SON: variants seen among roughly 807,000 people sequenced by gnomAD.
The protein encoded by SON is protein SON.
In SON, 4 loss-of-function variants were observed where a neutral mutation model predicts 173.3. That is an observed-to-expected ratio of 0.02 (90% confidence interval 0.01 to 0.05). SON has a LOEUF of 0.05. Among genes scored for constraint, SON ranks in the 10% least tolerant of loss-of-function variants. The pLI is 1.00. For synonymous variants in SON, 1,190 were observed against 1,105.9 expected (o/e 1.08, Z -1.51); for missense variants, 2,626 against 3,055.3 (o/e 0.86, Z 3.31).
In SON at chr21:33,550,406, C is replaced by T. The variant is rs747956049; in HGVS notation, c.1175C>T (p.Pro392Leu). Residue 392 changes from proline (P) to leucine (L), a missense_variant, in exon 3 of 12, where the codon CCG (proline) becomes CTG (leucine). By Grantham distance (98) the Pro-to-Leu change is moderately conservative. Transcript: ENST00000356577. ...ELPGPPATSM[P>L]ELQGPPVTPV... The stretch of plus-strand genomic sequence containing the variant: ...CCGGGGCCACCTGCGACCTCCATGC[C>T]GGAGTTGCAGGGGCCCCCTGTGACT... 1.6e-5 allele frequency: 26 copies of T among 1,613,736 alleles called. No individual in the cohort carries two copies. The highest frequency in any genetic ancestry group is 1.4e-4 in the South Asian group (13 of 91,068).
chr21:33,546,131 A>G, intron 1 of SON, 82 bp from the exon 2 acceptor site: 1 of 1,203,794 alleles, frequency 8.3e-7, no homozygotes, highest in East Asian at 2.6e-5. Context: ...TCAGTACAAC[A>G]TATGATTATT....
Position 33,554,331 on chromosome 21 carries a change from A to G in SON, c.5100A>G (p.Glu1700=), listed in dbSNP as rs149600633. The part of the protein sequence containing the change: ...QTLAALLSPK[E]SSGGEKEVPP... ...TAGCAGCTCTGCTCAGCCCTAAAGA[A>G]AGTAGTGGAGGAGAAAAAGAAGTAC... Residue 1700 remains glutamate, a synonymous_variant, in exon 3 of 12, where the codon GAA becomes GAG. Coordinates refer to ENST00000356577, the MANE Select transcript of SON (RefSeq NM_138927.4). The G allele has an allele frequency of 6.2e-7, 1 of 1,614,170 alleles. No homozygotes were observed. The highest frequency in any genetic ancestry group is 1.1e-5 in the South Asian group (1 of 91,090).
intron 4 of SON, 74 bp downstream of exon 4, chr21:33,557,390 C>T (rs1379615232): frequency 5.7e-6 from 9 of 1,573,450 alleles, no homozygotes; most frequent in Non-Finnish European, 8.7e-7. Flanking sequence ...CGTGCCAAAA[C>T]CCGAATTGTG....
chr21:33,547,890 ATTTT>A (rs55756921), intron 2 of SON, among the ~76,000 whole-genome samples: 221 of 147,300 alleles, frequency 1.5e-3, no homozygotes, highest in Middle Eastern at 3.5e-3. Flanking sequence ...AATTTTTTGT[ATTTT>A]TTTTTTTTTT....
At chr21:33,568,054 T>C (rs2086208721) in intron 7 of SON, among the ~76,000 whole-genome samples, 1 of 152,224 alleles carries the variant, frequency 6.6e-6, no homozygotes, top group South Asian at 2.1e-4. Flanking sequence ...TACTGTTTTA[T>C]GGTAAATCAG....
At chr21:33,572,687 A>G in intron 8 of SON, 1 of 872,422 alleles carries the variant, frequency 1.1e-6, no homozygotes, top group South Asian at 1.4e-5. Context: ...CTAGGTTTTA[A>G]AAGAATTCAA....
chr21:33,549,249 A>G (rs1305993197), intron 2 of SON, among the ~76,000 whole-genome samples: 1 of 151,898 alleles, frequency 6.6e-6, no homozygotes, highest in African/African-American at 2.4e-5. Flanking sequence ...TAATTTTTGT[A>G]TTTTTAGTAG....
chr21:33,570,886 G>A, intron 8 of SON, among the ~76,000 whole-genome samples: 1 of 152,090 alleles, frequency 6.6e-6, no homozygotes, highest in Non-Finnish European at 1.5e-5. Flanking sequence ...CATAATGTTT[G>A]TATACTTATA....
rs1183005035 is a variant in SON at position 33,553,100 on chromosome 21, C to A, written c.3869C>A (p.Ala1290Asp). Residue 1290 changes from alanine to aspartate, a missense_variant, in exon 3 of 12, where the codon GCC becomes GAC. By Grantham distance (126) the Ala-to-Asp change is moderately radical. Transcript: ENST00000356577. ...PVTCMVSETP[A>D]MSAEPTVLAS... ...ACTTGTATGGTATCTGAAACTCCCG[C>A]CATGTCAGCTGAACCAACTGTGTTA... is the stretch of plus-strand genomic sequence containing the variant. 6.2e-7 allele frequency: 1 copy of A among 1,614,202 alleles called. No homozygotes were observed. The highest frequency in any genetic ancestry group is 1.1e-5 in the South Asian group (1 of 91,092).
In SON at chr21:33,550,389, A is replaced by C; in HGVS notation, c.1158A>C (p.Pro386=). 1.2e-6 allele frequency: 2 copies of C among 1,613,020 alleles called. No individual in the cohort carries two copies. The highest frequency in any genetic ancestry group is 1.7e-6 in the Non-Finnish European group (2 of 1,179,646). The part of the protein sequence containing the change: ...SVASAMELPG[P]PATSMPELQG... Reference sequence around the variant, plus strand: ...CCTCAGCGATGGAGTTGCCGGGGCCACCTGCGACCTCCATGCCGGAGTTGC... The same window carrying C: ...CCTCAGCGATGGAGTTGCCGGGGCCCCCTGCGACCTCCATGCCGGAGTTGC... The change falls in exon 3 of 12, where the codon CCA becomes CCC. Residue 386 remains proline (P), a synonymous_variant. Coordinates refer to ENST00000356577, the MANE Select transcript of SON (RefSeq NM_138927.4).
In SON at chr21:33,552,324, C is replaced by T. The variant is rs1477616533; in HGVS notation, c.3093C>T (p.Arg1031=). The T allele has an allele frequency of 4.3e-6, 7 of 1,613,158 alleles. No homozygotes were observed. The highest frequency in any genetic ancestry group is 4.0e-5 in the African/African-American group (3 of 74,774). ...ERSMMSPMAE[R]SMMSAYERSM... is the part of the protein sequence containing the mutation. ...CTATGATGTCCCCTATGGCTGAACG[C>T]TCTATGATGTCAGCCTACGAGCGCT... Residue 1031 remains arginine (R), a synonymous_variant, in exon 3 of 12, where the codon CGC becomes CGT. Coordinates refer to ENST00000356577, the MANE Select transcript of SON (RefSeq NM_138927.4). This position sits in a 1 kb window ranked among gnomAD's most constrained non-coding sequence, Gnocchi z 5.6.
rs144188863 is a variant in SON, at chr21:33,552,557, C to T, written c.3326C>T (p.Ala1109Val). The change falls in exon 3 of 12, where the codon GCA (alanine) becomes GTA (valine). Residue 1109 changes from alanine (A) to valine (V), a missense_variant. By Grantham distance (64) the Ala-to-Val change is moderately conservative. Transcript: ENST00000356577. This position sits in a 1 kb window ranked among gnomAD's most constrained non-coding sequence, Gnocchi z 5.6. ...CGGTCTATGATGTCATCGTACTCTGCAGCTGACCGATCTATGATGTCATCT... is the reference window on the plus strand; with the variant it reads ...CGGTCTATGATGTCATCGTACTCTGTAGCTGACCGATCTATGATGTCATCT... ...ADRSMMSSYS[A>V]ADRSMMSSYT... 3,958 of 1,614,108 alleles carry T rather than the reference C, an allele frequency of 2.5e-3. 8 individuals are homozygous for T. The highest frequency in any genetic ancestry group is 2.9e-3 in the Non-Finnish European group (3,449 of 1,180,006).
Position 33,554,504 on chromosome 21 carries a change from C to G in SON, c.5273C>G (p.Ala1758Gly), listed in dbSNP as rs760509240. Residue 1758 changes from alanine (A) to glycine (G), a missense_variant, in exon 3 of 12, where the codon GCA (alanine) becomes GGA (glycine). Ala to Gly is a moderately conservative substitution (Grantham distance 60, BLOSUM62 0). This residue lies in a region of SON where 1,006 missense variants were observed against 895.6 expected (regional missense o/e 1.12). Transcript: ENST00000356577. ...LRAGIEGPLL[A>G]SDVGRDRSAA... Reference sequence around the variant, plus strand: ...GCTGGCATTGAAGGACCTTTACTTGCAAGTGATGTTGGACGTGACAGATCT... The same window carrying G: ...GCTGGCATTGAAGGACCTTTACTTGGAAGTGATGTTGGACGTGACAGATCT... 1.9e-6 allele frequency: 3 copies of G among 1,614,122 alleles called. No individual in the cohort carries two copies. Among genetic ancestry groups the G allele is most frequent in the Admixed American group, 1.7e-5 (1 of 60,026 alleles).
intron 7 of SON, among the ~76,000 whole-genome samples, chr21:33,568,749 T>C (rs1272557840): frequency 1.3e-5 from 2 of 152,256 alleles, no homozygotes; most frequent in Non-Finnish European, 2.9e-5. Flanking sequence ...CTGTATTTTT[T>C]AGTAGCTGTG....
At position 33,553,763 on chromosome 21, in the gene SON, A is replaced by C. The variant is rs772909748; in HGVS notation, c.4532A>C (p.Glu1511Ala). Residue 1511 changes from glutamate (E) to alanine (A), a missense_variant, in exon 3 of 12, where the codon GAA becomes GCA. By Grantham distance (107) the Glu-to-Ala change is moderately radical. Coordinates refer to ENST00000356577, the MANE Select transcript of SON (RefSeq NM_138927.4). The part of the protein sequence containing the change: ...GMQEIALHSG[E>A]EPHAEEHLKG... ...CAGGAGATTGCATTGCATTCAGGTG[A>C]AGAACCACATGCTGAGGAACACCTG... The C allele has an allele frequency of 1.2e-6, 2 of 1,614,086 alleles. No homozygotes were observed. Among genetic ancestry groups the C allele is most frequent in the East Asian group, 2.2e-5 (1 of 44,888 alleles).
In SON at chr21:33,546,384, G is replaced by T; in HGVS notation, c.244+5G>T. On this transcript the variant is annotated splice_donor_5th_base_variant and intron_variant, in intron 2 of 11. Coordinates refer to ENST00000356577, the MANE Select transcript of SON (RefSeq NM_138927.4). ...CAGAACTACGATATAAGCCAGGTAA[G>T]TTGGAGATAATTAACTGTCTCAAAA... 6.3e-7 allele frequency: 1 copy of T among 1,588,942 alleles called. No individual in the cohort carries two copies. Among genetic ancestry groups the T allele is most frequent in the Non-Finnish European group, 8.5e-7 (1 of 1,173,006 alleles).
rs185590313 is a variant in SON at position 33,551,861 on chromosome 21, C to G, written c.2630C>G (p.Ala877Gly). 1.1e-4 allele frequency: 181 copies of G among 1,614,028 alleles called. No homozygotes were observed. The highest frequency in any genetic ancestry group is 7.5e-5 in the Non-Finnish European group (88 of 1,180,002). ...ASGTMDSQML[A>G]SGTMDAQMLA... ...GGCACTATGGACTCTCAAATGTTAG[C>G]TTCTGGCACCATGGATGCTCAGATG... is the stretch of plus-strand genomic sequence containing the variant. The change falls in exon 3 of 12, where the codon GCT becomes GGT. Residue 877 changes from alanine to glycine, a missense_variant. Physicochemically the swap from Ala to Gly is moderately conservative, Grantham distance 60. This residue lies in a region of SON where 366 missense variants were observed against 448.6 expected (regional missense o/e 0.82). Transcript: ENST00000356577.
Position 33,576,954 on chromosome 21 carries a change from G to A in SON, c.*530G>A, listed in dbSNP as rs2086415146. The A allele has an allele frequency of 5.0e-6, 1 of 198,402 alleles. No homozygotes were observed. Among genetic ancestry groups the A allele is most frequent in the Non-Finnish European group, 1.1e-5 (1 of 92,958 alleles). The allele number at this position is 198,402 out of a possible 1,614,324, so 12.3% of individuals were successfully genotyped here. ...TAATCAGTGAAGGGCTGTGCACCTT[G>A]TACTATTTCACAATGGGTTCTGCTG... On this transcript the variant is annotated 3_prime_UTR_variant, in exon 12 of 12. Transcript: ENST00000356577.
chr21:33,567,715 C>T (rs1174139464), intron 7 of SON, among the ~76,000 whole-genome samples: 1 of 152,072 alleles, frequency 6.6e-6, no homozygotes, highest in Non-Finnish European at 1.5e-5. Context: ...GAGTTCAAGA[C>T]CAGCCTGGCC....
Sources: allele counts gnomAD v4.1 joint callset (sites outside exome capture counted in the v4.1 genomes callset), GRCh38; gene constraint gnomAD v4.1.1; regional missense constraint gnomAD v4.1.1; non-coding constraint Gnocchi (gnomAD v3.1); transcripts MANE v1.5; gene names NCBI Gene and HGNC (gene_info 2026-07-23, HGNC 2026-07-21).